The following XPO1 variants were observed in gnomAD, a reference collection of about 807,000 sequenced individuals.
The protein encoded by XPO1 is exportin-1.
XPO1 carries 5 observed loss-of-function variants against 133.3 expected under a neutral mutation model. The observed-to-expected ratio is 0.04, with a 90% CI of 0.02 to 0.08. The LOEUF (loss-of-function observed/expected upper bound fraction) is 0.08. Among genes scored for constraint, XPO1 ranks in the 10% least tolerant of loss-of-function variants. The pLI is 1.00. For synonymous variants in XPO1, 419 were observed against 408.2 expected, an observed-to-expected ratio of 1.03 and a Z score of -0.32; for missense variants, 506 against 1,267.5, an observed-to-expected ratio of 0.40 and a Z score of 9.12.
intron 4 of XPO1, among the ~76,000 whole-genome samples, chr2:61,502,965 C>CTTTTTTTTTTTTTTTTTT (rs201077547): frequency 2.2e-5 from 3 of 138,308 alleles, no homozygotes; most frequent in African/African-American, 8.1e-5. Context: ...TGTTTCTTTT[C>CTTTTTTTTTTTTTTTTTT]TTTTTTTTTT....
chr2:61,501,135 A>G (rs533257628), intron 6 of XPO1, among the ~76,000 whole-genome samples: 6 of 152,316 alleles, frequency 3.9e-5, no homozygotes, highest in East Asian at 3.9e-4. Context: ...AGAAAGCTCT[A>G]AAGTATAATA....
Position 61,480,987 on chromosome 2 carries a change from CA to C in XPO1, c.3069+197del, listed in dbSNP as rs1355547894. ...AAGTTTATCCGAATAACATCTCAAACATATCTATCCTTATTGGACTTTAGTT... is the reference window on the plus strand; with the variant it reads ...AAGTTTATCCGAATAACATCTCAAACTATCTATCCTTATTGGACTTTAGTT... On this transcript the variant is annotated intron_variant, in intron 24 of 24. Coordinates refer to ENST00000401558, the MANE Select transcript of XPO1 (RefSeq NM_003400.4). Among the ~76,000 whole-genome samples the C allele has an allele frequency of 8.5e-5, 13 of 152,154 alleles. 1 individual carries two copies. The highest frequency in any genetic ancestry group is 8.5e-4 in the Admixed American group (13 of 15,270).
chr2:61,508,152 C>A (rs757163794), intron 4 of XPO1, among the ~76,000 whole-genome samples: 2 of 151,224 alleles, frequency 1.3e-5, no homozygotes, highest in Non-Finnish European at 3.0e-5. Flanking sequence ...TCACCTGAGG[C>A]GGAATTCAAG....
At chr2:61,482,050 T>TTTTTTTTTTTTTTTTTTTC (rs1696396818) in intron 23 of XPO1, among the ~76,000 whole-genome samples, 1 of 148,262 alleles carries the variant, frequency 6.7e-6, no homozygotes, top group African/African-American at 2.5e-5. Context: ...TTTTTTTTTT[T>TTTTTTTTTTTTTTTTTTTC]TTTTTTTGCT....
intron 3 of XPO1, chr2:61,525,807 T>C: frequency 9.6e-7 from 1 of 1,037,438 alleles, no homozygotes; most frequent in Non-Finnish European, 1.2e-6. Flanking sequence ...ACACAATGTA[T>C]ATCAAGTGGA....
chr2:61,483,176 A>C, intron 21 of XPO1, 85 bp from the exon 22 acceptor site: 2 of 1,447,590 alleles, frequency 1.4e-6, no homozygotes, highest in South Asian at 1.4e-5. Flanking sequence ...AGTATTCTGA[A>C]TCTAACCCTG....
At chr2:61,533,041 T>G (rs1481582019) in intron 2 of XPO1, among the ~76,000 whole-genome samples, 1 of 151,976 alleles carries the variant, frequency 6.6e-6, no homozygotes, top group South Asian at 2.1e-4. Context: ...TAGCCAGGCA[T>G]GGTGGCGTGT....
intron 5 of XPO1, 69 bp from the exon 6 acceptor site, chr2:61,502,109 T>C (rs1300021963): frequency 2.6e-6 from 4 of 1,522,542 alleles, no homozygotes; most frequent in African/African-American, 2.8e-5. Context: ...CAGACAATCC[T>C]AACAAATGAT....
chr2:61,510,021 T>A (rs568730996), intron 4 of XPO1, among the ~76,000 whole-genome samples: 3 of 152,292 alleles, frequency 2.0e-5, no homozygotes, highest in African/African-American at 7.2e-5. Flanking sequence ...GGCTCAAGCC[T>A]GTAATCCTAG....
intron 4 of XPO1, among the ~76,000 whole-genome samples, chr2:61,517,443 G>A (rs953598292): frequency 6.6e-6 from 1 of 152,096 alleles, no homozygotes; most frequent in Non-Finnish European, 1.5e-5. Context: ...AACTTAGCTG[G>A]GTGTGGTGGC....
chr2:61,506,617 C>A (rs1045188224), intron 4 of XPO1, among the ~76,000 whole-genome samples: 6 of 87,548 alleles, frequency 6.9e-5, no homozygotes, highest in Admixed American at 2.1e-4. Context: ...AAAAAAAAAT[C>A]CAATGTTAAA....
intron 7 of XPO1, 130 bp from the exon 8 acceptor site, chr2:61,499,043 A>G (rs1306305600): frequency 2.8e-6 from 3 of 1,053,790 alleles, no homozygotes; most frequent in African/African-American, 1.6e-5. Context: ...GAACTTTGGG[A>G]GGCCATGGCA....
intron 4 of XPO1, 66 bp downstream of exon 4, chr2:61,522,545 C>T: frequency 7.2e-7 from 1 of 1,380,812 alleles, no homozygotes; most frequent in Non-Finnish European, 1.0e-6. Flanking sequence ...CCCCCTCAAA[C>T]AGTCAACTAC....
chr2:61,479,534 C>T (rs887675697), intron 24 of XPO1, among the ~76,000 whole-genome samples: 16 of 152,118 alleles, frequency 1.1e-4, no homozygotes, highest in African/African-American at 3.1e-4. Flanking sequence ...ATGCTTCTAC[C>T]GAAGTATCTC....
intron 12 of XPO1, chr2:61,493,636 G>C: frequency 2.5e-6 from 1 of 393,772 alleles, no homozygotes; most frequent in Admixed American, 4.3e-5. Flanking sequence ...CTAGACTCTG[G>C]TTTAGTAGAT....
At chr2:61,504,434 T>G (rs186611377) in intron 4 of XPO1, among the ~76,000 whole-genome samples, 2 of 152,218 alleles carry the variant, frequency 1.3e-5, no homozygotes, top group African/African-American at 4.8e-5. Context: ...CAACCCTAAT[T>G]GAACAAATTA....
intron 18 of XPO1, 53 bp downstream of exon 18, chr2:61,488,535 G>C: frequency 6.6e-7 from 1 of 1,522,800 alleles, no homozygotes; most frequent in Non-Finnish European, 8.9e-7. Flanking sequence ...TAAGGCAGTA[G>C]AAGAGAAGTG....
intron 5 of XPO1, 93 bp from the exon 6 acceptor site, chr2:61,502,133 T>C (rs2305156): frequency 0.61 from 914,927 of 1,497,196 alleles, 281,152 homozygotes; most frequent in Middle Eastern, 0.72. Context: ...AGCTCTACTG[T>C]AAATGACTGA....
intron 1 of XPO1, among the ~76,000 whole-genome samples, chr2:61,535,509 C>A (rs1699320185): frequency 6.6e-6 from 1 of 152,164 alleles, no homozygotes; most frequent in Non-Finnish European, 1.5e-5. Flanking sequence ...GAAAAAAAGT[C>A]ATTAATTCCT....
Sources: gnomAD v4.1 joint callset for allele counts (sites outside exome capture counted in the v4.1 genomes callset) on GRCh38, gnomAD v4.1.1 for gene constraint, MANE v1.5 for transcripts, NCBI Gene and HGNC (gene_info 2026-07-23, HGNC 2026-07-21) for gene names.